Variants in PLCXD3 observed in about 807,000 individuals in gnomAD.
PLCXD3 encodes phosphatidylinositol specific phospholipase C X domain containing 3.
Under a neutral mutation model 25.5 loss-of-function variants are expected in PLCXD3, and 19 were observed. That is an observed-to-expected ratio of 0.75 (90% CI 0.52 to 1.09). PLCXD3 has a LOEUF of 1.09. Ranked by LOEUF, PLCXD3 falls within the 50% of genes least tolerant of loss-of-function variation. The pLI is 0.00. For synonymous variants in PLCXD3, 174 were observed against 137.6 expected (o/e 1.26, Z -1.85); for missense variants, 411 against 388.1 (o/e 1.06, Z -0.50).
At chr5:41,462,667 C>G (rs978179843) in intron 1 of PLCXD3, among the ~76,000 whole-genome samples, 1 of 151,816 alleles carries the variant, frequency 6.6e-6, no homozygotes, top group South Asian at 2.1e-4. Context: ...TGGCTATAAT[C>G]CCAGCTACTC....
chr5:41,493,487 C>T (rs1456086657), intron 1 of PLCXD3, among the ~76,000 whole-genome samples: 2 of 152,250 alleles, frequency 1.3e-5, no homozygotes, highest in African/African-American at 4.8e-5. Flanking sequence ...ACATTTAAGT[C>T]TGCAGAGGTT....
At chr5:41,456,646 G>T (rs920598304) in intron 1 of PLCXD3, 1 of 504,472 alleles carries the variant, frequency 2.0e-6, no homozygotes, top group Non-Finnish European at 2.6e-6. Flanking sequence ...TTTGGAGGTT[G>T]GGCCTTTGGA....
intron 2 of PLCXD3, among the ~76,000 whole-genome samples, chr5:41,354,668 G>A (rs769757505): frequency 2.0e-4 from 30 of 152,050 alleles, no homozygotes; most frequent in Admixed American, 2.6e-4. Context: ...ATAGAAGCCC[G>A]TGCTCCTTTG....
rs148058601 is a variant in PLCXD3 at position 41,415,990 on chromosome 5, G to A, written c.104-33456C>T. Among the ~76,000 whole-genome samples the A allele has an allele frequency of 3.5e-3, 534 of 152,274 alleles. 3 individuals carry two copies. The highest frequency in any genetic ancestry group is 0.012 in the African/African-American group (519 of 41,570). ...CTGATAAGAATCAGGAGTGTTACCAGAAACTGGAAGGAGAGGGCTATAATG... is the reference window on the plus strand; with the variant it reads ...CTGATAAGAATCAGGAGTGTTACCAAAAACTGGAAGGAGAGGGCTATAATG... On this transcript the variant is annotated intron_variant, in intron 1 of 2. Coordinates refer to ENST00000377801, the MANE Select transcript of PLCXD3 (RefSeq NM_001005473.3).
intron 2 of PLCXD3, among the ~76,000 whole-genome samples, chr5:41,376,198 A>G (rs1350063396): frequency 6.6e-6 from 1 of 152,086 alleles, no homozygotes; most frequent in African/African-American, 2.4e-5. Flanking sequence ...ACTCCAAGGG[A>G]TGTCATCCAT....
intron 1 of PLCXD3, among the ~76,000 whole-genome samples, chr5:41,476,454 G>A (rs949044453): frequency 1.1e-4 from 16 of 152,190 alleles, no homozygotes; most frequent in Admixed American, 9.2e-4. Flanking sequence ...GCCAGGTAGA[G>A]TATGCCTCCC....
At chr5:41,507,970 A>G (rs1749088825) in intron 1 of PLCXD3, among the ~76,000 whole-genome samples, 1 of 152,206 alleles carries the variant, frequency 6.6e-6, no homozygotes, top group African/African-American at 2.4e-5. Flanking sequence ...GAGTAATGCA[A>G]AAAGGTGCCA....
chr5:41,341,062 A>G (rs563602859), intron 2 of PLCXD3, among the ~76,000 whole-genome samples: 1 of 152,300 alleles, frequency 6.6e-6, no homozygotes, highest in African/African-American at 2.4e-5. Flanking sequence ...AAGTTGCTCT[A>G]TTTCTAATGA....
chr5:41,440,251 T>TTTTTTTC (rs1747354155), intron 1 of PLCXD3, among the ~76,000 whole-genome samples: 1 of 115,948 alleles, frequency 8.6e-6, no homozygotes, highest in Non-Finnish European at 1.8e-5. Context: ...TTTTTTTTTT[T>TTTTTTTC]AGTCAGAGTC....
At chr5:41,455,874 A>G (rs1489996447) in intron 1 of PLCXD3, among the ~76,000 whole-genome samples, 1 of 151,974 alleles carries the variant, frequency 6.6e-6, no homozygotes, top group African/African-American at 2.4e-5. Flanking sequence ...AAGTATGATA[A>G]TGCAGGTCTT....
intron 1 of PLCXD3, among the ~76,000 whole-genome samples, chr5:41,398,932 T>C (rs978874620): frequency 2.0e-5 from 3 of 152,158 alleles, no homozygotes; most frequent in Non-Finnish European, 2.9e-5. Context: ...CCACAGATGA[T>C]ATAAACTAAT....
chr5:41,495,468 GAT>G (rs1277390263), intron 1 of PLCXD3, among the ~76,000 whole-genome samples: 1 of 152,152 alleles, frequency 6.6e-6, no homozygotes, highest in Non-Finnish European at 1.5e-5. Context: ...TTTTTGATGG[GAT>G]ACCCAAGGGG....
chr5:41,472,085 A>G (rs1481091730), intron 1 of PLCXD3, among the ~76,000 whole-genome samples: 1 of 150,726 alleles, frequency 6.6e-6, no homozygotes, highest in Non-Finnish European at 1.5e-5. Flanking sequence ...TTCCAGAAAA[A>G]TGCCACATAA....
At chr5:41,423,769 T>C (rs955826790) in intron 1 of PLCXD3, among the ~76,000 whole-genome samples, 2 of 152,146 alleles carry the variant, frequency 1.3e-5, no homozygotes, top group African/African-American at 4.8e-5. Context: ...CCATTTTTGC[T>C]CTCATCATTT....
At position 41,382,391 on chromosome 5, in the gene PLCXD3, T is replaced by C; in HGVS notation, c.247A>G (p.Asn83Asp). 6.2e-7 allele frequency: 1 copy of C among 1,613,484 alleles called. No individual in the cohort carries two copies. The highest frequency in any genetic ancestry group is 1.1e-5 in the South Asian group (1 of 91,064). The change falls in exon 2 of 3, where the codon AAT becomes GAT. Residue 83 changes from asparagine to aspartate, a missense_variant. Coordinates refer to ENST00000377801, the MANE Select transcript of PLCXD3 (RefSeq NM_001005473.3). ...MRKWLATQTM[N>D]FTGQLGAGIR... ...CCAGCTCCTAGCTGGCCAGTAAAATTCATTGTCTGAGTGGCTAACCATTTC... is the reference window on the plus strand; with the variant it reads ...CCAGCTCCTAGCTGGCCAGTAAAATCCATTGTCTGAGTGGCTAACCATTTC...
Position 41,310,022 on chromosome 5 carries a change from T to C in PLCXD3, c.*3595A>G, listed in dbSNP as rs751117836. ...ATGTGCATTCTGTGTGTGTGTGTAATGTGTGTATGTGCACATACAGGTGTA... is the reference window on the plus strand; with the variant it reads ...ATGTGCATTCTGTGTGTGTGTGTAACGTGTGTATGTGCACATACAGGTGTA... On this transcript the variant is annotated 3_prime_UTR_variant, in exon 3 of 3. Transcript: ENST00000377801. The C allele has an allele frequency of 1.3e-5, 2 of 152,042 alleles. No individual in the cohort carries two copies. Among genetic ancestry groups the C allele is most frequent in the African/African-American group, 2.4e-5 (1 of 41,406 alleles). The allele number at this position is 152,042 out of a possible 1,614,324, so 9.4% of individuals were successfully genotyped here.
intron 2 of PLCXD3, among the ~76,000 whole-genome samples, chr5:41,347,375 C>T (rs1744330823): frequency 6.6e-6 from 1 of 152,194 alleles, no homozygotes; most frequent in African/African-American, 2.4e-5. Flanking sequence ...TTGGTTTACT[C>T]TGGACATTTA....
chr5:41,419,456 TATAGC>T (rs1352234050), intron 1 of PLCXD3, among the ~76,000 whole-genome samples: 1 of 152,178 alleles, frequency 6.6e-6, no homozygotes, highest in Non-Finnish European at 1.5e-5. Context: ...CAACATATCA[TATAGC>T]AAGTCAGTCA....
chr5:41,359,031 C>G (rs189132131), intron 2 of PLCXD3, among the ~76,000 whole-genome samples: 50 of 152,136 alleles, frequency 3.3e-4, no homozygotes, highest in African/African-American at 1.2e-3. Flanking sequence ...TATTGACTTG[C>G]ATATGTTAAA....
Sources: allele counts gnomAD v4.1 joint callset (sites outside exome capture counted in the v4.1 genomes callset), GRCh38; gene constraint gnomAD v4.1.1; transcripts MANE v1.5; gene names NCBI Gene and HGNC (gene_info 2026-07-23, HGNC 2026-07-21).